COMMD1: variants seen among roughly 807,000 people sequenced by gnomAD.
COMMD1 encodes the protein copper metabolism domain containing 1.
COMMD1 carries 10 observed loss-of-function variants against 17.2 expected under a neutral mutation model. The ratio of observed to expected loss-of-function variants is 0.58; its 90% CI spans 0.36 to 0.99. The LOEUF is 0.99. Among genes scored for constraint, COMMD1 ranks in the 50% least tolerant of loss-of-function variants. The pLI is 0.01. For synonymous variants in COMMD1, 97 were observed against 91.6 expected (o/e 1.06, Z -0.34); for missense variants, 270 against 231.8 (o/e 1.17, Z -1.07).
At chr2:61,947,313 C>T (rs535106535) in intron 1 of COMMD1, among the ~76,000 whole-genome samples, 4 of 151,966 alleles carry the variant, frequency 2.6e-5, no homozygotes, top group Non-Finnish European at 5.9e-5. Context: ...TTCAAATTAC[C>T]AAACAGATTT....
chr2:62,120,717 CTT>C (rs1164324679), intron 2 of COMMD1, among the ~76,000 whole-genome samples: 2 of 151,880 alleles, frequency 1.3e-5, no homozygotes, highest in East Asian at 3.9e-4. Context: ...ACAGAAAATT[CTT>C]TTTTCTTTTC....
chr2:61,918,451 G>A (rs184857992), intron 1 of COMMD1: 16 of 152,312 alleles, frequency 1.1e-4, no homozygotes, highest in African/African-American at 3.4e-4. Flanking sequence ...CCTGGGATTT[G>A]TAGAGTATTT....
intron 2 of COMMD1, among the ~76,000 whole-genome samples, chr2:62,025,047 C>T (rs998027636): frequency 6.6e-6 from 1 of 152,056 alleles, no homozygotes; most frequent in African/African-American, 2.4e-5. Context: ...GCCAAGAACC[C>T]TGTCTCTGCC....
intron 2 of COMMD1, among the ~76,000 whole-genome samples, chr2:62,079,170 G>T (rs914794522): frequency 1.3e-5 from 2 of 152,164 alleles, no homozygotes; most frequent in African/African-American, 2.4e-5. Flanking sequence ...AATTCAGGGT[G>T]AGTCCACAGC....
chr2:61,938,367 A>G (rs542650534), intron 1 of COMMD1, among the ~76,000 whole-genome samples: 10 of 152,110 alleles, frequency 6.6e-5, no homozygotes, highest in African/African-American at 1.9e-4. Flanking sequence ...GCATGTTTAT[A>G]ACTCCCTAAA....
chr2:61,917,963 T>G (rs562790048), intron 1 of COMMD1, among the ~76,000 whole-genome samples: 17 of 152,370 alleles, frequency 1.1e-4, no homozygotes, highest in African/African-American at 4.1e-4. Context: ...ACTTCTTAGG[T>G]CATACTTTTA....
intron 2 of COMMD1, among the ~76,000 whole-genome samples, chr2:62,058,299 A>G (rs967420359): frequency 1.3e-5 from 2 of 152,188 alleles, no homozygotes; most frequent in African/African-American, 4.8e-5. Flanking sequence ...TTATTATTTC[A>G]GTTACTGTGA....
At chr2:61,934,046 T>G (rs543146049) in intron 1 of COMMD1, among the ~76,000 whole-genome samples, 1 of 152,318 alleles carries the variant, frequency 6.6e-6, no homozygotes, top group South Asian at 2.1e-4. Context: ...ATTACAGGTA[T>G]GAGCCACTAC....
At chr2:62,054,495 A>T (rs984522333) in intron 2 of COMMD1, among the ~76,000 whole-genome samples, 12 of 152,212 alleles carry the variant, frequency 7.9e-5, no homozygotes, top group African/African-American at 2.9e-4. Context: ...ACATATATAC[A>T]ATTGGATACT....
At chr2:61,920,981 ATTTT>A (rs61439372) in intron 1 of COMMD1, among the ~76,000 whole-genome samples, 2,367 of 141,358 alleles carry the variant, frequency 0.017, 35 homozygotes, top group Non-Finnish European at 0.022. Flanking sequence ...ATATATATAT[ATTTT>A]TTTTTTTTTT....
rs370160438 is a variant in COMMD1 at position 61,944,241 on chromosome 2, C to T, written c.180+38383C>T. 5.9e-5 allele frequency among the ~76,000 whole-genome samples: 9 copies of T among 152,160 alleles called. No homozygotes were observed. In the East Asian group the frequency reaches 1.7e-3, roughly 29 times the overall value. Reference sequence around the variant, plus strand: ...CCAAGGCAGGTGGATCACTTGAGCTCAGGAGTTCAAGACCAGCCTGGCCAA... The same window carrying T: ...CCAAGGCAGGTGGATCACTTGAGCTTAGGAGTTCAAGACCAGCCTGGCCAA... On this transcript the variant is annotated intron_variant, in intron 1 of 2. Transcript: ENST00000311832.
intron 2 of COMMD1, among the ~76,000 whole-genome samples, chr2:62,015,665 A>G (rs545004385): frequency 1.4e-5 from 2 of 147,290 alleles, no homozygotes; most frequent in Non-Finnish European, 3.0e-5. Flanking sequence ...CAGTTTCTGT[A>G]CATCCTCACT....
intron 2 of COMMD1, among the ~76,000 whole-genome samples, chr2:62,055,923 A>G (rs780173203): frequency 6.6e-5 from 10 of 152,234 alleles, no homozygotes; most frequent in African/African-American, 1.4e-4. Flanking sequence ...CAAGGCAACA[A>G]TGCTTGTTTT....
chr2:61,942,157 G>A (rs1037833700), intron 1 of COMMD1, among the ~76,000 whole-genome samples: 1 of 152,180 alleles, frequency 6.6e-6, no homozygotes, highest in Non-Finnish European at 1.5e-5. Flanking sequence ...AGGCTGGAGT[G>A]CAGTGGCATG....
intron 1 of COMMD1, among the ~76,000 whole-genome samples, chr2:61,923,084 C>T (rs1670238319): frequency 6.6e-6 from 1 of 152,166 alleles, no homozygotes; most frequent in Non-Finnish European, 1.5e-5. Context: ...CTAAGCTGTT[C>T]TTTCAGGCAT....
intron 1 of COMMD1, among the ~76,000 whole-genome samples, chr2:61,916,591 T>A (rs1193497906): frequency 1.3e-5 from 2 of 150,820 alleles, no homozygotes; most frequent in Non-Finnish European, 3.0e-5. Context: ...CCGGCTAATT[T>A]AAAAAAAAAA....
chr2:62,133,896 A>G (rs1306475706), intron 2 of COMMD1, among the ~76,000 whole-genome samples: 2 of 152,070 alleles, frequency 1.3e-5, no homozygotes, highest in South Asian at 2.1e-4. Context: ...GGTTCAAGCA[A>G]TCCTCCCACC....
chr2:61,934,908 G>A (rs545353760), intron 1 of COMMD1, among the ~76,000 whole-genome samples: 1 of 152,304 alleles, frequency 6.6e-6, no homozygotes, highest in Admixed American at 6.5e-5. Context: ...ATGAGCTGCT[G>A]TGCCTGGCCG....
intron 1 of COMMD1, among the ~76,000 whole-genome samples, chr2:61,927,549 A>AT (rs1670359610): frequency 6.6e-6 from 1 of 151,856 alleles, no homozygotes; most frequent in Non-Finnish European, 1.5e-5. Context: ...CCCGCCCGCC[A>AT]CCATGCCCGG....
Sources: gnomAD v4.1 joint callset for allele counts (sites outside exome capture counted in the v4.1 genomes callset) on GRCh38, gnomAD v4.1.1 for gene constraint, MANE v1.5 for transcripts, NCBI Gene and HGNC (gene_info 2026-07-23, HGNC 2026-07-21) for gene names.